The following MKLN1 variants were observed in gnomAD, a reference collection of about 807,000 sequenced individuals.
MKLN1 encodes muskelin 1.
MKLN1 carries 18 observed loss-of-function variants against 99.0 expected under a neutral mutation model. The ratio of observed to expected loss-of-function variants is 0.18; its 90% CI spans 0.13 to 0.27. The LOEUF (loss-of-function observed/expected upper bound fraction) is 0.27, where lower values mean the gene tolerates loss of function less well. Ranked by LOEUF, MKLN1 falls within the 10% of genes least tolerant of loss-of-function variation. MKLN1 has a pLI of 1.00. For synonymous variants in MKLN1, 288 were observed against 293.2 expected (o/e 0.98, Z 0.18); for missense variants, 621 against 875.9 (o/e 0.71, Z 3.67).
rs754989150 is a variant in MKLN1, at chr7:131,399,858, C to T, written c.703+425C>T. On this transcript the variant is annotated intron_variant, in intron 6 of 17. Transcript: ENST00000352689. ...GGAGATTTGTATTGAAAACAACTTC[C>T]TTGTGGTGTGAATGCTATATAATTG... Among the ~76,000 whole-genome samples the T allele has an allele frequency of 1.1e-4, 16 of 152,164 alleles. No individual in the cohort carries two copies. The South Asian group carries it at 1.9e-3, about 18-fold the overall frequency.
chr7:131,249,980 A>G (rs528234832), intron 3 of MKLN1, among the ~76,000 whole-genome samples: 65 of 152,310 alleles, frequency 4.3e-4, no homozygotes, highest in Non-Finnish European at 7.6e-4. Flanking sequence ...ACGTTTTCTC[A>G]GTGGTTTAAT....
At chr7:131,316,585 C>A (rs748037347) in intron 3 of MKLN1, among the ~76,000 whole-genome samples, 1 of 152,070 alleles carries the variant, frequency 6.6e-6, no homozygotes, top group Non-Finnish European at 1.5e-5. Flanking sequence ...AGCAAGGACA[C>A]AAAACTGGAC....
At chr7:131,144,089 G>A (rs950457710) in intron 2 of MKLN1, among the ~76,000 whole-genome samples, 3 of 152,128 alleles carry the variant, frequency 2.0e-5, no homozygotes, top group Non-Finnish European at 4.4e-5. Flanking sequence ...TATGAGGGCA[G>A]GCAATTTTTT....
chr7:131,377,719 A>C (rs1033814343), intron 2 of MKLN1, among the ~76,000 whole-genome samples: 1 of 152,146 alleles, frequency 6.6e-6, no homozygotes, highest in African/African-American at 2.4e-5. Context: ...TTGCTTATTC[A>C]TTCATTAAAA....
Position 131,470,901 on chromosome 7 carries a change from T to C in MKLN1, c.1988T>C (p.Leu663Pro). The change falls in exon 16 of 18, where the codon CTT becomes CCT. Residue 663 changes from leucine to proline, a missense_variant. Coordinates refer to ENST00000352689, the MANE Select transcript of MKLN1 (RefSeq NM_013255.5). ...LSALKYLQND[L>P]YITVDHSDPE... ...GCTCTGAAATATTTACAAAATGATCTTTATATAACTGTGGATCATTCAGAC... is the reference window on the plus strand; with the variant it reads ...GCTCTGAAATATTTACAAAATGATCCTTATATAACTGTGGATCATTCAGAC... 6.2e-7 allele frequency: 1 copy of C among 1,613,108 alleles called. No individual in the cohort carries two copies. Among genetic ancestry groups the C allele is most frequent in the Non-Finnish European group, 8.5e-7 (1 of 1,179,308 alleles).
In MKLN1 at chr7:131,353,991, C is replaced by T. The variant is rs1799799329; in HGVS notation, c.99-21433C>T. 2.7e-5 allele frequency among the ~76,000 whole-genome samples: 4 copies of T among 150,362 alleles called. No individual in the cohort carries two copies. In the South Asian group the frequency reaches 8.4e-4, roughly 32 times the overall value. On this transcript the variant is annotated intron_variant, in intron 1 of 17. Transcript: ENST00000352689. Reference sequence around the variant, plus strand: ...TTCTGTCCTAATGATATGTGTCTGTCCATCTGCTAGTATTATACTTTATTG... The same window carrying T: ...TTCTGTCCTAATGATATGTGTCTGTTCATCTGCTAGTATTATACTTTATTG...
chr7:131,147,305 G>A lies in MKLN1; in HGVS notation c.-297+4364G>A, dbSNP rs183737453. ...ACTCCTGACCTCAGGTGATCCACCC[G>A]CCTCGACCTCCCAAAGGGCTGGGAT... On this transcript the variant is annotated intron_variant, in intron 2 of 7. Transcript: ENST00000416992. Among the ~76,000 whole-genome samples the A allele has an allele frequency of 8.0e-5, 12 of 149,804 alleles. No individual in the cohort carries two copies. In the East Asian group the frequency reaches 1.2e-3, roughly 15 times the overall value.
At chr7:131,423,134 T>C (rs764946095) in intron 8 of MKLN1, among the ~76,000 whole-genome samples, 2 of 152,208 alleles carry the variant, frequency 1.3e-5, no homozygotes, top group Non-Finnish European at 2.9e-5. Flanking sequence ...CATTACGTTC[T>C]GAGAACCTAC....
At chr7:131,302,700 C>T (rs114271069) in intron 3 of MKLN1, among the ~76,000 whole-genome samples, 6 of 152,250 alleles carry the variant, frequency 3.9e-5, no homozygotes, top group African/African-American at 1.4e-4. Context: ...ATGTGCTCAA[C>T]CGGGATTAAC....
In MKLN1 at chr7:131,478,611, T is replaced by TC; in HGVS notation, c.2032-12_2032-11insC. The TC allele has an allele frequency of 7.1e-7, 1 of 1,414,390 alleles. No homozygotes were observed. The highest frequency in any genetic ancestry group is 1.5e-5 in the African/African-American group (1 of 68,082). 87.6% of individuals were successfully genotyped at this position (1,414,390 alleles called of 1,614,324 possible). A position where few individuals can be genotyped will look rare whatever the true frequency, so the allele number is the denominator to read the frequency against. On this transcript the variant is annotated splice_polypyrimidine_tract_variant and intron_variant, in intron 16 of 17. Transcript: ENST00000352689. ...TTGCTGCTTCTTTTTTTTTTTTTTT[T>TC]TTTTTAAACAGTTTCAGCTCCTGGC...
intron 3 of MKLN1, among the ~76,000 whole-genome samples, chr7:131,268,187 A>AG (rs1198042068): frequency 6.6e-6 from 1 of 152,218 alleles, no homozygotes; most frequent in Non-Finnish European, 1.5e-5. Context: ...ACATGGCTTC[A>AG]GCTCTGTGGG....
At chr7:131,288,519 A>G (rs1482365682) in intron 3 of MKLN1, among the ~76,000 whole-genome samples, 1 of 152,066 alleles carries the variant, frequency 6.6e-6, no homozygotes, top group African/African-American at 2.4e-5. Context: ...TCCAAGAAGC[A>G]AAAATTTAAT....
chr7:131,201,300 G>A (rs1027657935), intron 2 of MKLN1, among the ~76,000 whole-genome samples: 2 of 152,162 alleles, frequency 1.3e-5, no homozygotes, highest in Admixed American at 6.5e-5. Flanking sequence ...GATTATAGGC[G>A]TGAGCCACCA....
At chr7:131,458,712 C>CATAT (rs956336862) in intron 12 of MKLN1, among the ~76,000 whole-genome samples, 1 of 150,198 alleles carries the variant, frequency 6.7e-6, no homozygotes, top group African/African-American at 2.4e-5. Context: ...AGTTTATATA[C>CATAT]ATATATATAT....
At chr7:131,455,272 A>G (rs886290144) in intron 12 of MKLN1, among the ~76,000 whole-genome samples, 1 of 152,110 alleles carries the variant, frequency 6.6e-6, no homozygotes, top group Non-Finnish European at 1.5e-5. Context: ...CCCCCCTCCC[A>G]CAGGGTTTCT....
intron 17 of MKLN1, among the ~76,000 whole-genome samples, chr7:131,486,341 T>C (rs995135529): frequency 3.3e-5 from 5 of 152,104 alleles, no homozygotes; most frequent in Non-Finnish European, 7.4e-5. Flanking sequence ...AGTATTTCTT[T>C]CCATTCATTT....
rs575885286 is a variant in MKLN1, at chr7:131,131,407, C to T, written c.-418-11413C>T. 5.7e-4 allele frequency among the ~76,000 whole-genome samples: 87 copies of T among 152,254 alleles called. 1 individual carries two copies. Among genetic ancestry groups the T allele is most frequent in the African/African-American group, 1.7e-3 (71 of 41,552 alleles). Reference sequence around the variant, plus strand: ...AAAAGTGCAGATTAATAGGACATTGCTTACCTGGAGTTTTCTAAGCGGTAA... The same window carrying T: ...AAAAGTGCAGATTAATAGGACATTGTTTACCTGGAGTTTTCTAAGCGGTAA... On this transcript the variant is annotated intron_variant, in intron 1 of 7. Coordinates refer to the MKLN1 transcript ENST00000416992.
At chr7:131,149,682 C>T (rs927820959) in intron 2 of MKLN1, among the ~76,000 whole-genome samples, 8 of 152,168 alleles carry the variant, frequency 5.3e-5, no homozygotes, top group African/African-American at 1.9e-4. Context: ...GCTATGAGTA[C>T]ATGAATAGAG....
intron 1 of MKLN1, among the ~76,000 whole-genome samples, chr7:131,130,788 G>A (rs1795538043): frequency 6.6e-6 from 1 of 152,100 alleles, no homozygotes; most frequent in African/African-American, 2.4e-5. Context: ...GATGGCTCAT[G>A]CCTAAAATCC....
Sources: allele counts gnomAD v4.1 joint callset (sites outside exome capture counted in the v4.1 genomes callset), GRCh38; gene constraint gnomAD v4.1.1; transcripts MANE v1.5; gene names NCBI Gene and HGNC (gene_info 2026-07-23, HGNC 2026-07-21).